The following MTMR9 variants were observed in gnomAD, a reference collection of about 807,000 sequenced individuals.
The protein encoded by MTMR9 is myotubularin-related protein 9.
A neutral mutation model predicts 69.5 loss-of-function variants in MTMR9; 39 were observed. That is an observed-to-expected ratio of 0.56 (90% CI 0.43 to 0.73). The LOEUF (loss-of-function observed/expected upper bound fraction) is 0.73, where lower values mean the gene tolerates loss of function less well. Among genes scored for constraint, MTMR9 ranks in the 30% least tolerant of loss-of-function variants. The probability of loss-of-function intolerance (pLI) is 0.00; values close to 1 mark genes in which losing one functional copy is unlikely to be tolerated. For missense variants in MTMR9, 900 were observed against 671.2 expected (o/e 1.34, Z -3.77); for synonymous variants, 354 against 240.8 (o/e 1.47, Z -4.35).
chr8:11,284,884 G>A lies in MTMR9; in HGVS notation c.-5G>A. The A allele has an allele frequency of 6.3e-7, 1 of 1,596,086 alleles. No individual in the cohort carries two copies. Among genetic ancestry groups the A allele is most frequent in the Non-Finnish European group, 8.5e-7 (1 of 1,170,596 alleles). ...TCGGTTCCCTGGCTCCGGCCGCGGG[G>A]GAGCATGGAGTTTGCGGAGCTGATT... On this transcript the variant is annotated 5_prime_UTR_variant, in exon 1 of 10. Coordinates refer to ENST00000221086, the MANE Select transcript of MTMR9 (RefSeq NM_015458.4).
chr8:11,321,995 T>G (rs1220565879), intron 9 of MTMR9, among the ~76,000 whole-genome samples: 1 of 152,168 alleles, frequency 6.6e-6, no homozygotes, highest in Non-Finnish European at 1.5e-5. Context: ...ACAGTTAACA[T>G]AGGGCTATGG....
rs75218187 is a variant in MTMR9, at chr8:11,309,375, C to G, written c.810-152C>G. 53 of 678,564 alleles carry G rather than the reference C, an allele frequency of 7.8e-5. No individual in the cohort carries two copies. The East Asian group carries it at 1.5e-3, about 19-fold the overall frequency. The allele number at this position is 678,564 out of a possible 1,614,324, so 42.0% of individuals were successfully genotyped here. On this transcript the variant is annotated intron_variant, in intron 5 of 9. Transcript: ENST00000221086. ...CAATGTTTAAATATTAGTTTTTCAA[C>G]CTTTAATCCTCAAATTATAGCAGGG...
rs1554498829 is a variant in MTMR9 at position 11,286,691 on chromosome 8, A to AAAGG, written c.182+1621_182+1622insAAGG. Reference sequence around the variant, plus strand: ...CAAAAAAAAAAAAAAAAAAAAAAAAAGTCTTCAGTGGTCTCTCATTGAAAA... The same window carrying AAAGG: ...CAAAAAAAAAAAAAAAAAAAAAAAAAAAGGGTCTTCAGTGGTCTCTCATTGAAAA... On this transcript the variant is annotated intron_variant, in intron 1 of 9. Coordinates refer to ENST00000221086, the MANE Select transcript of MTMR9 (RefSeq NM_015458.4). Among the ~76,000 whole-genome samples, 34 of 105,424 alleles carry AAAGG rather than the reference A, an allele frequency of 3.2e-4. 1 individual carries two copies. The highest frequency in any genetic ancestry group is 3.6e-4 in the Non-Finnish European group (19 of 52,816). The allele number at this position is 105,424 out of a possible 152,430, so 69.2% of individuals were successfully genotyped here.
At chr8:11,291,056 T>G (rs927347752) in intron 1 of MTMR9, among the ~76,000 whole-genome samples, 2 of 152,130 alleles carry the variant, frequency 1.3e-5, no homozygotes, top group African/African-American at 4.8e-5. Flanking sequence ...TTGACCTGTT[T>G]TATAACTGTA....
intron 3 of MTMR9, among the ~76,000 whole-genome samples, chr8:11,303,406 C>G (rs1310883235): frequency 1.3e-5 from 2 of 151,542 alleles, no homozygotes; most frequent in African/African-American, 4.9e-5. Flanking sequence ...AAGGTAAACA[C>G]TGAAAAAGCT....
chr8:11,336,538 G>T, the MTMR9 span, among the ~76,000 whole-genome samples: 1 of 152,096 alleles, frequency 6.6e-6, no homozygotes, highest in South Asian at 2.1e-4. Context: ...TTCCAATCTT[G>T]TTCTTTACAA....
chr8:11,331,959 G>C (rs371018763), downstream of MTMR9: 5 of 1,612,022 alleles, frequency 3.1e-6, no homozygotes, highest in Non-Finnish European at 3.4e-6. Flanking sequence ...GGTGTGCGCT[G>C]TCCTGCATTC....
At chr8:11,313,089 A>G (rs1193418005) in intron 6 of MTMR9, among the ~76,000 whole-genome samples, 2 of 152,170 alleles carry the variant, frequency 1.3e-5, no homozygotes, top group East Asian at 3.8e-4. Flanking sequence ...GGCCCCTAGG[A>G]TTTTCAGAAT....
chr8:11,306,765 G>A (rs894321229), intron 5 of MTMR9, among the ~76,000 whole-genome samples: 19 of 152,098 alleles, frequency 1.2e-4, no homozygotes, highest in African/African-American at 4.3e-4. Context: ...TTTAACTACA[G>A]TTACCATGCT....
chr8:11,318,882 C>T (rs1800540395), intron 8 of MTMR9: 1 of 151,950 alleles, frequency 6.6e-6, no homozygotes. Flanking sequence ...TCAACCTCCA[C>T]TTTTAATATT....
intron 1 of MTMR9, among the ~76,000 whole-genome samples, chr8:11,287,490 G>A (rs1563262425): frequency 6.6e-6 from 1 of 151,634 alleles, no homozygotes; most frequent in Non-Finnish European, 1.5e-5. Flanking sequence ...AAAGAGCATA[G>A]GGGAGGCATC....
At position 11,302,368 on chromosome 8, in the gene MTMR9, T is replaced by C. The variant is rs186939226; in HGVS notation, c.417+2220T>C. On this transcript the variant is annotated intron_variant, in intron 3 of 9. Coordinates refer to ENST00000221086, the MANE Select transcript of MTMR9 (RefSeq NM_015458.4). ...AATTCTCCAGAATCAGTAGAAGTTA[T>C]TGAACCCTTAAGCTGAGGTATCCCA... Among the ~76,000 whole-genome samples the C allele has an allele frequency of 1.1e-4, 16 of 150,886 alleles. No individual in the cohort carries two copies. In the East Asian group the frequency reaches 3.1e-3, roughly 29 times the overall value.
intron 1 of MTMR9, among the ~76,000 whole-genome samples, chr8:11,285,663 A>T (rs1434206207): frequency 2.0e-5 from 3 of 152,254 alleles, no homozygotes; most frequent in Non-Finnish European, 4.4e-5. Flanking sequence ...GTTGGCTCTC[A>T]AGGAAAGGCA....
intron 9 of MTMR9, chr8:11,320,902 A>T (rs1800652519): frequency 6.5e-6 from 1 of 152,958 alleles, no homozygotes; most frequent in Non-Finnish European, 1.5e-5. Context: ...CAAGAATGGT[A>T]GCTGTTTGTT....
rs1238204666 is a variant in MTMR9, at chr8:11,309,507, T to C, written c.810-20T>C. On this transcript the variant is annotated intron_variant, in intron 5 of 9. Transcript: ENST00000221086. ...TCTATTTTCTGGGTTTGTTATTTTT[T>C]ACTTTCTTACTTTTAAAAGGTATCA... 2 of 1,573,650 alleles carry C rather than the reference T, an allele frequency of 1.3e-6. No individual in the cohort carries two copies. The highest frequency in any genetic ancestry group is 1.7e-6 in the Non-Finnish European group (2 of 1,159,762).
At chr8:11,317,520 G>A (rs1800476884) in intron 8 of MTMR9, 1 of 152,100 alleles carries the variant, frequency 6.6e-6, no homozygotes, top group Non-Finnish European at 1.5e-5. Flanking sequence ...CTGAGAATCT[G>A]ATGCTGATCT....
chr8:11,311,951 T>C (rs1312841724), intron 6 of MTMR9, among the ~76,000 whole-genome samples: 4 of 151,856 alleles, frequency 2.6e-5, no homozygotes, highest in Admixed American at 2.6e-4. Context: ...TATCTCAGGA[T>C]ACTACTTTTC....
intron 7 of MTMR9, chr8:11,316,228 T>C (rs1800408398): frequency 1.3e-5 from 2 of 152,660 alleles, no homozygotes; most frequent in African/African-American, 4.8e-5. Flanking sequence ...CAGAGTTCCA[T>C]ATCTGTCTCC....
chr8:11,331,158 C>T (rs1242293517), downstream of MTMR9: 15 of 1,612,206 alleles, frequency 9.3e-6, no homozygotes, highest in Non-Finnish European at 1.3e-5. Flanking sequence ...ACACCCATCG[C>T]CGCCCTCCGC....
Sources: gnomAD v4.1 joint callset for allele counts (sites outside exome capture counted in the v4.1 genomes callset) on GRCh38, gnomAD v4.1.1 for gene constraint, MANE v1.5 for transcripts, NCBI Gene and HGNC (gene_info 2026-07-23, HGNC 2026-07-21) for gene names.